The following CFAP57 variants were observed in gnomAD, a reference collection of about 807,000 sequenced individuals.
CFAP57 encodes the protein cilia- and flagella-associated protein 57.
A neutral mutation model predicts 146.8 loss-of-function variants in CFAP57; 116 were observed. The ratio of observed to expected loss-of-function variants is 0.79; its 90% confidence interval spans 0.68 to 0.92. The LOEUF (loss-of-function observed/expected upper bound fraction) is 0.92. CFAP57 is among the 40% of genes least tolerant of loss of function. CFAP57 has a pLI of 0.00. For missense variants in CFAP57, 1,377 were observed against 1,527.2 expected (o/e 0.90, Z 1.64); for synonymous variants, 518 against 552.8 (o/e 0.94, Z 0.88).
intron 2 of CFAP57, among the ~76,000 whole-genome samples, chr1:43,176,027 T>C (rs912702522): frequency 7.9e-5 from 12 of 152,128 alleles, no homozygotes; most frequent in Non-Finnish European, 5.9e-5. Flanking sequence ...TCTCTTCTGC[T>C]CCTAACTCCA....
chr1:43,209,775 C>T lies in CFAP57; in HGVS notation c.1788C>T (p.Thr596=). 1.9e-6 allele frequency: 3 copies of T among 1,614,162 alleles called. No homozygotes were observed. The highest frequency in any genetic ancestry group is 2.5e-6 in the Non-Finnish European group (3 of 1,180,046). The change falls in exon 11 of 23, where the codon ACC becomes ACT. Residue 596 remains threonine, a synonymous_variant. Transcript: ENST00000372492. ...GAGAGATATCGGCGTTTGATGTCAC[C>T]TACACCGCCATTGTCATCTCGCATT... The part of the protein sequence containing the change: ...ILREISAFDV[T]YTAIVISHSG...
Position 43,215,272 on chromosome 1 carries a change from T to C in CFAP57, c.1947T>C (p.Asp649=). ...GPITKMLLTF[D]DQFLLTAAED... The stretch of plus-strand genomic sequence containing the variant: ...CTCTTCAGATGTTGCTTACCTTTGA[T>C]GATCAGTTCCTGCTGACTGCTGCTG... Residue 649 remains aspartate, a synonymous_variant, in exon 12 of 23, where the codon GAT becomes GAC. Coordinates refer to ENST00000372492, the MANE Select transcript of CFAP57 (RefSeq NM_001378189.1). 1.3e-6 allele frequency: 2 copies of C among 1,551,232 alleles called. No homozygotes were observed. The highest frequency in any genetic ancestry group is 4.9e-5 in the East Asian group (2 of 40,926).
At chr1:43,247,292 G>A (rs959307366) in intron 22 of CFAP57, among the ~76,000 whole-genome samples, 4 of 152,138 alleles carry the variant, frequency 2.6e-5, no homozygotes, top group Non-Finnish European at 5.9e-5. Flanking sequence ...AGTCTACCCT[G>A]GAGACTACCA....
rs549609438 is a variant in CFAP57, at chr1:43,172,585, C to G, written c.-20+132C>G. The G allele has an allele frequency of 1.4e-4, 56 of 390,798 alleles. 1 individual carries two copies. In the East Asian group the frequency reaches 3.6e-3, roughly 25 times the overall value. 24.2% of individuals were successfully genotyped at this position (390,798 alleles called of 1,614,324 possible). ...CCCGGGGGAGGGGAAAGGGGAGGGACAAGGGGAGGGGAAAGGGGAGGGACA... is the reference window on the plus strand; with the variant it reads ...CCCGGGGGAGGGGAAAGGGGAGGGAGAAGGGGAGGGGAAAGGGGAGGGACA... On this transcript the variant is annotated intron_variant, in intron 1 of 22. Coordinates refer to ENST00000372492, the MANE Select transcript of CFAP57 (RefSeq NM_001378189.1).
intron 22 of CFAP57, among the ~76,000 whole-genome samples, chr1:43,252,431 C>A (rs1646348333): frequency 6.6e-6 from 1 of 151,968 alleles, no homozygotes. Context: ...TGAAAATTTA[C>A]CTTAAAAGGA....
chr1:43,232,287 G>A (rs1338093662), intron 18 of CFAP57: 5 of 587,902 alleles, frequency 8.5e-6, no homozygotes, highest in South Asian at 6.6e-5. Flanking sequence ...CAGCCTGGCC[G>A]TGGAAACACG....
chr1:43,233,020 A>G (rs1325193297), intron 19 of CFAP57, among the ~76,000 whole-genome samples: 1 of 152,222 alleles, frequency 6.6e-6, no homozygotes, highest in Non-Finnish European at 1.5e-5. Flanking sequence ...TCTCCATGTT[A>G]TAAATAAGAA....
Position 43,181,797 on chromosome 1 carries a change from CAG to C in CFAP57, c.423_424del (p.Lys142SerfsTer6). The C allele has an allele frequency of 6.2e-7, 1 of 1,614,192 alleles. No individual in the cohort carries two copies. On this transcript the variant is annotated frameshift_variant, in exon 3 of 23. Coordinates refer to ENST00000372492, the MANE Select transcript of CFAP57 (RefSeq NM_001378189.1). LOFTEE classifies it high-confidence loss of function. ...TCTTGTCTACTGGCTGTGGGAAAAA[CAG>C]AAAGTAATGGCCATTGTTAGAATCG... Reference protein sequence around the residue: ...SNLVYWLWEKQKVMAIVRIDT... With the variant: ...SNLVYWLWEKXKVMAIVRIDT...
At chr1:43,245,248 C>T (rs1646071899) in intron 22 of CFAP57, among the ~76,000 whole-genome samples, 1 of 151,788 alleles carries the variant, frequency 6.6e-6, no homozygotes, top group African/African-American at 2.4e-5. Context: ...ATCACCTGAA[C>T]CTCAGAGGTT....
chr1:43,176,585 A>G (rs1277410944), intron 2 of CFAP57, among the ~76,000 whole-genome samples: 1 of 152,088 alleles, frequency 6.6e-6, no homozygotes, highest in Non-Finnish European at 1.5e-5. Context: ...TGTATTAAGT[A>G]CCCCCTGTGT....
At position 43,222,300 on chromosome 1, in the gene CFAP57, T is replaced by C. The variant is rs763425822; in HGVS notation, c.2532+5T>C. On this transcript the variant is annotated splice_donor_5th_base_variant and intron_variant, in intron 15 of 22. Transcript: ENST00000372492. ...AAAACCACCCTTCTGGAAGAGGTAC[T>C]CACAGGAAGCCATGCTGTGCCTCCC... is the stretch of plus-strand genomic sequence containing the variant. 1 of 1,424,946 alleles carries C rather than the reference T, an allele frequency of 7.0e-7. No homozygotes were observed. The highest frequency in any genetic ancestry group is 9.2e-7 in the Non-Finnish European group (1 of 1,085,370). 88.3% of individuals were successfully genotyped at this position (1,424,946 alleles called of 1,614,324 possible). A position where few individuals can be genotyped will look rare whatever the true frequency, so the allele number is the denominator to read the frequency against.
intron 6 of CFAP57, among the ~76,000 whole-genome samples, chr1:43,196,940 TAATA>T (rs1314662737): frequency 6.6e-6 from 1 of 152,210 alleles, no homozygotes; most frequent in Non-Finnish European, 1.5e-5. Flanking sequence ...GTTATTCCTA[TAATA>T]AATAACAAAA....
At chr1:43,181,166 G>C (rs1026089678) in intron 2 of CFAP57, among the ~76,000 whole-genome samples, 2 of 152,170 alleles carry the variant, frequency 1.3e-5, no homozygotes, top group South Asian at 4.1e-4. Flanking sequence ...CCACCTCCCA[G>C]GTTCAAGTGA....
intron 9 of CFAP57, chr1:43,206,364 C>A: frequency 4.4e-6 from 1 of 228,788 alleles, no homozygotes; most frequent in Non-Finnish European, 8.9e-6. Context: ...TCCAGAAGTC[C>A]ACTCTCTCTG....
intron 6 of CFAP57, among the ~76,000 whole-genome samples, chr1:43,191,212 T>C (rs1643498383): frequency 6.6e-6 from 1 of 152,240 alleles, no homozygotes; most frequent in Admixed American, 6.5e-5. Context: ...TAGGAATTTG[T>C]CTATTTGTCT....
In CFAP57 at chr1:43,244,676, A is replaced by C. The variant is rs533363195; in HGVS notation, c.3538+1317A>C. ...TCCCAGCACTTTGGGAGGCCGAGGC[A>C]GGCAGATCACAAGGTCAAGAGATCG... is the stretch of plus-strand genomic sequence containing the variant. On this transcript the variant is annotated intron_variant, in intron 22 of 22. Transcript: ENST00000372492. Among the ~76,000 whole-genome samples, 5 of 148,608 alleles carry C rather than the reference A, an allele frequency of 3.4e-5. No individual in the cohort carries two copies. The East Asian group carries it at 1.0e-3, about 31-fold the overall frequency.
rs1190605175 is a variant in CFAP57 at position 43,198,552 on chromosome 1, T to C, written c.1334T>C (p.Ile445Thr). Reference protein sequence around the residue: ...SISLHPSGHFIVVGFADKLRL... With the variant: ...SISLHPSGHFTVVGFADKLRL... Reference sequence around the variant, plus strand: ...AGCCTTCATCCATCTGGACACTTCATTGTAGTAGGGTTTGCTGACAAACTA... The same window carrying C: ...AGCCTTCATCCATCTGGACACTTCACTGTAGTAGGGTTTGCTGACAAACTA... The change falls in exon 8 of 23, where the codon ATT becomes ACT. Residue 445 changes from isoleucine to threonine, a missense_variant. Physicochemically the swap from Ile to Thr is moderately conservative, Grantham distance 89 (BLOSUM62 -1). Transcript: ENST00000372492. The C allele has an allele frequency of 6.2e-7, 1 of 1,614,128 alleles. No individual in the cohort carries two copies. Among genetic ancestry groups the C allele is most frequent in the Non-Finnish European group, 8.5e-7 (1 of 1,179,998 alleles).
intron 11 of CFAP57, among the ~76,000 whole-genome samples, chr1:43,213,006 G>A (rs1760672): frequency 0.75 from 113,151 of 151,520 alleles, 44,058 homozygotes; most frequent in Middle Eastern, 0.89. Context: ...GTATCTGTTA[G>A]CCAATCTCTC....
In CFAP57 at chr1:43,181,636, A is replaced by G. The variant is rs369456039; in HGVS notation, c.260A>G (p.Tyr87Cys). The G allele has an allele frequency of 1.9e-6, 3 of 1,614,236 alleles. No individual in the cohort carries two copies. ...CAAGAAAAACCTGCCATCACCATTT[A>G]TGAATTGTCATCCATCCCTTGCCGG... ...TVQEKPAITI[Y>C]ELSSIPCRKR... Residue 87 changes from tyrosine (Y) to cysteine (C), a missense_variant, in exon 3 of 23, where the codon TAT becomes TGT. Transcript: ENST00000372492.
Sources: allele counts gnomAD v4.1 joint callset (sites outside exome capture counted in the v4.1 genomes callset), GRCh38; gene constraint gnomAD v4.1.1; transcripts MANE v1.5; gene names NCBI Gene and HGNC (gene_info 2026-07-23, HGNC 2026-07-21).